Variants in SNTG1 observed in about 807,000 individuals in gnomAD.
SNTG1 encodes syntrophin gamma 1.
Under a neutral mutation model 74.7 loss-of-function variants are expected in SNTG1, and 39 were observed. The ratio of observed to expected loss-of-function variants is 0.52; its 90% CI spans 0.40 to 0.68. The LOEUF is 0.68. Among genes scored for constraint, SNTG1 ranks in the 30% least tolerant of loss-of-function variants. SNTG1 has a pLI of 0.00. For synonymous variants in SNTG1, 254 were observed against 217.1 expected (o/e 1.17, Z -1.49); for missense variants, 685 against 609.5 (o/e 1.12, Z -1.30).
At chr8:50,781,142 A>T (rs1423881628) in intron 18 of SNTG1, among the ~76,000 whole-genome samples, 1 of 152,086 alleles carries the variant, frequency 6.6e-6, no homozygotes, top group African/African-American at 2.4e-5. Flanking sequence ...TCAATTTAGG[A>T]ATAGGTGTTG....
intron 2 of SNTG1, among the ~76,000 whole-genome samples, chr8:50,388,747 A>G (rs2092612173): frequency 6.6e-6 from 1 of 152,176 alleles, no homozygotes; most frequent in Non-Finnish European, 1.5e-5. Context: ...ATTTGATGAG[A>G]CCCACCCACA....
chr8:50,086,008 C>T (rs1822850726), intron 1 of SNTG1, among the ~76,000 whole-genome samples: 1 of 151,762 alleles, frequency 6.6e-6, no homozygotes, highest in South Asian at 2.1e-4. Context: ...AGTTCATACC[C>T]AGATTAAACT....
At chr8:50,030,676 A>C (rs753407372) in intron 1 of SNTG1, among the ~76,000 whole-genome samples, 13 of 151,948 alleles carry the variant, frequency 8.6e-5, no homozygotes, top group Non-Finnish European at 2.9e-5. Flanking sequence ...TGTCTATTTC[A>C]AGATTCCCCA....
At chr8:50,687,775 T>C (rs976966697) in intron 15 of SNTG1, among the ~76,000 whole-genome samples, 1 of 152,056 alleles carries the variant, frequency 6.6e-6, no homozygotes, top group Admixed American at 6.6e-5. Flanking sequence ...CCTGTGTCCA[T>C]GTGTTCTCAT....
chr8:50,476,654 C>G lies in SNTG1; in HGVS notation c.363+25925C>G, dbSNP rs114579561. Among the ~76,000 whole-genome samples the G allele has an allele frequency of 2.4e-3, 369 of 152,248 alleles. 3 individuals are homozygous for G. The highest frequency in any genetic ancestry group is 8.4e-3 in the African/African-American group (349 of 41,550). ...CATTGCACATAGAAACATTTATACA[C>G]TTATGTAAATAAACAGGTTTATAAA... On this transcript the variant is annotated intron_variant, in intron 8 of 18. Transcript: ENST00000642720.
intron 1 of SNTG1, among the ~76,000 whole-genome samples, chr8:50,040,337 A>T (rs1414064087): frequency 1.3e-5 from 2 of 151,732 alleles, no homozygotes; most frequent in Non-Finnish European, 3.0e-5. Context: ...AATAAATGAG[A>T]CACAGACTTT....
chr8:50,250,220 G>C (rs1434227677), intron 2 of SNTG1, among the ~76,000 whole-genome samples: 1 of 151,008 alleles, frequency 6.6e-6, no homozygotes, highest in Non-Finnish European at 1.5e-5. Context: ...GCAGAAGAAA[G>C]AATCTCTGAG....
intron 15 of SNTG1, among the ~76,000 whole-genome samples, chr8:50,690,276 T>C (rs2095371947): frequency 6.6e-6 from 1 of 152,218 alleles, no homozygotes; most frequent in Non-Finnish European, 1.5e-5. Flanking sequence ...TAGTTATTTA[T>C]TGCCTTCTGC....
intron 2 of SNTG1, among the ~76,000 whole-genome samples, chr8:50,393,114 A>G (rs914641818): frequency 6.6e-6 from 1 of 152,166 alleles, no homozygotes; most frequent in Non-Finnish European, 1.5e-5. Context: ...TAAAAATTTC[A>G]TTAATATTAA....
rs1419762130 is a variant in SNTG1, at chr8:50,668,118, C to T, written c.1038+9455C>T. 2.0e-5 allele frequency among the ~76,000 whole-genome samples: 3 copies of T among 152,072 alleles called. No individual in the cohort carries two copies. In the East Asian group the frequency reaches 5.8e-4, roughly 29 times the overall value. ...CTAATCCCAGCAACTTCAAATCCAG[C>T]TTCCTGTCTTAAAAATATAATAATC... On this transcript the variant is annotated intron_variant, in intron 15 of 18. Transcript: ENST00000642720.
intron 2 of SNTG1, among the ~76,000 whole-genome samples, chr8:50,379,251 C>G (rs915169573): frequency 4.6e-5 from 7 of 152,266 alleles, no homozygotes; most frequent in Middle Eastern, 3.4e-3. Flanking sequence ...GACTTTGCTC[C>G]GAGATCAGAG....
intron 2 of SNTG1, chr8:50,381,221 T>A (rs956206861): frequency 2.6e-5 from 4 of 152,148 alleles, no homozygotes; most frequent in South Asian, 2.1e-4. Context: ...GGGGCTTTTT[T>A]TTTGCCCCTA....
intron 11 of SNTG1, among the ~76,000 whole-genome samples, chr8:50,543,531 ATTC>A (rs1320082268): frequency 6.6e-6 from 1 of 151,896 alleles, no homozygotes; most frequent in Non-Finnish European, 1.5e-5. Context: ...TCAGTTGTTC[ATTC>A]CTTTTCATTT....
chr8:50,695,275 A>G (rs768778077), intron 15 of SNTG1, among the ~76,000 whole-genome samples: 110 of 151,966 alleles, frequency 7.2e-4, no homozygotes, highest in Non-Finnish European at 1.4e-3. Context: ...CAATATCAAC[A>G]CAAAAATTAG....
At chr8:50,494,150 T>C (rs1360860848) in intron 8 of SNTG1, among the ~76,000 whole-genome samples, 2 of 150,968 alleles carry the variant, frequency 1.3e-5, no homozygotes, top group Non-Finnish European at 3.0e-5. Flanking sequence ...CATATATATA[T>C]ACACATATAT....
rs77754093 is a variant in SNTG1, at chr8:50,036,223, A to G, written c.-103+123992A>G. Among the ~76,000 whole-genome samples, 1,261 of 152,314 alleles carry G rather than the reference A, an allele frequency of 8.3e-3. 26 individuals carry two copies. Among genetic ancestry groups the G allele is most frequent in the African/African-American group, 0.029 (1,200 of 41,552 alleles). On this transcript the variant is annotated intron_variant, in intron 1 of 18. Coordinates refer to ENST00000642720, the MANE Select transcript of SNTG1 (RefSeq NM_018967.5). ...ACATTATCTCTCTTAAACACACACA[A>G]AAAAAGCTACAAAACAGTTCAACAC... is the stretch of plus-strand genomic sequence containing the variant.
intron 2 of SNTG1, among the ~76,000 whole-genome samples, chr8:50,333,522 T>C (rs1345498992): frequency 1.3e-5 from 2 of 152,248 alleles, no homozygotes; most frequent in East Asian, 3.8e-4. Context: ...CAAAGCTACC[T>C]CCTGCCATAT....
At chr8:50,095,157 G>T (rs188005183) in intron 1 of SNTG1, among the ~76,000 whole-genome samples, 2 of 151,994 alleles carry the variant, frequency 1.3e-5, no homozygotes, top group African/African-American at 2.4e-5. Context: ...TCTACTTCAG[G>T]GTGGAAAGTG....
chr8:50,789,582 A>G (rs1173231274), intron 18 of SNTG1, among the ~76,000 whole-genome samples: 1 of 151,902 alleles, frequency 6.6e-6, no homozygotes, highest in Non-Finnish European at 1.5e-5. Context: ...CCCAAAACCA[A>G]AATCTTGATC....
Sources: allele counts gnomAD v4.1 joint callset (sites outside exome capture counted in the v4.1 genomes callset), GRCh38; gene constraint gnomAD v4.1.1; transcripts MANE v1.5; gene names NCBI Gene and HGNC (gene_info 2026-07-23, HGNC 2026-07-21).